Variants in C20orf173 observed in about 807,000 individuals in gnomAD.
C20orf173 encodes chromosome 20 open reading frame 173.
In C20orf173, 22 loss-of-function variants were observed where a neutral mutation model predicts 26.7. That is an observed-to-expected ratio of 0.82 (90% CI 0.59 to 1.18). C20orf173 has a LOEUF of 1.18. Ranked by LOEUF, C20orf173 falls within the 50% of genes most tolerant of loss-of-function variation. The pLI, the probability that C20orf173 is intolerant of heterozygous loss-of-function variation, is 0.00. For missense variants in C20orf173, 210 were observed against 250.3 expected (o/e 0.84, Z 1.09); for synonymous variants, 85 against 96.4 (o/e 0.88, Z 0.69).
At chr20:35,528,585 G>T in intron 3 of C20orf173, 41 bp from the exon 4 acceptor site, 1 of 1,549,016 alleles carries the variant, frequency 6.5e-7, no homozygotes, top group Non-Finnish European at 8.7e-7. Context: ...GGTTCCCCAC[G>T]TCCATCTCAA....
chr20:35,521,381 T>C (rs191269279), downstream of C20orf173, among the ~76,000 whole-genome samples: 6 of 152,098 alleles, frequency 3.9e-5, no homozygotes, highest in East Asian at 7.7e-4. Context: ...CTTCATTATA[T>C]ATTGAGAGAA....
chr20:35,524,522 C>T (rs1434967164), downstream of C20orf173, among the ~76,000 whole-genome samples: 2 of 152,124 alleles, frequency 1.3e-5, no homozygotes, highest in Non-Finnish European at 2.9e-5. Context: ...ATTCCTTCCT[C>T]ACTTGCATTT....
downstream of C20orf173, among the ~76,000 whole-genome samples, chr20:35,526,794 G>T (rs141108280): frequency 1.2e-3 from 187 of 152,134 alleles, no homozygotes; most frequent in African/African-American, 4.4e-3. Flanking sequence ...TTCTTTTATC[G>T]AAGTGGGTAA....
downstream of C20orf173, among the ~76,000 whole-genome samples, chr20:35,523,774 G>T (rs116212268): frequency 4.1e-3 from 624 of 152,266 alleles, 4 homozygotes; most frequent in African/African-American, 0.014. Flanking sequence ...CAGAGGGAGA[G>T]GTTGTATCCA....
intron 5 of C20orf173, among the ~76,000 whole-genome samples, chr20:35,527,523 G>A (rs957868263): frequency 2.0e-5 from 3 of 152,218 alleles, no homozygotes; most frequent in Non-Finnish European, 2.9e-5. Flanking sequence ...GGAATGGTGC[G>A]AGAGAAGGCA....
chr20:35,526,628 C>CAA (rs1286748298), downstream of C20orf173, among the ~76,000 whole-genome samples: 1,059 of 52,344 alleles, frequency 0.02, 22 homozygotes, highest in African/African-American at 0.054. Context: ...ACTCTTGTCT[C>CAA]AAAAAAAAAA....
chr20:35,521,330 G>A (rs181362874), downstream of C20orf173, among the ~76,000 whole-genome samples: 35 of 152,220 alleles, frequency 2.3e-4, no homozygotes, highest in Admixed American at 5.9e-4. Flanking sequence ...AATACTCATA[G>A]TGACCCCAGA....
rs1414877076 is a variant in C20orf173 at position 35,529,085 on chromosome 20, C to T, written c.289G>A (p.Asp97Asn). 6.4e-7 allele frequency: 1 copy of T among 1,551,308 alleles called. No individual in the cohort carries two copies. The highest frequency in any genetic ancestry group is 1.2e-5 in the South Asian group (1 of 84,048). ...LMRTRESMTS[D>N]TVLWWLGMNS... is the part of the protein sequence containing the mutation. ...CTGACCAACCACCAGAGCACAGTGTCAGAGGTCATAGACTCTCTTGTCCTC... is the reference window on the plus strand; with the variant it reads ...CTGACCAACCACCAGAGCACAGTGTTAGAGGTCATAGACTCTCTTGTCCTC... The change falls in exon 2 of 6, where the codon GAC (aspartate) becomes AAC (asparagine). Residue 97 changes from aspartate to asparagine, a missense_variant. Coordinates refer to ENST00000444723, the MANE Select transcript of C20orf173 (RefSeq NM_001145350.2).
At chr20:35,529,013 T>TG in intron 2 of C20orf173, 52 bp downstream of exon 2, 1 of 1,536,068 alleles carries the variant, frequency 6.5e-7, no homozygotes. Context: ...GGGAGATGGG[T>TG]GAGGCCCGGA....
chr20:35,525,736 A>AAGCAGCATTGCACAGC (rs1486310980), downstream of C20orf173, among the ~76,000 whole-genome samples: 3 of 152,218 alleles, frequency 2.0e-5, no homozygotes, highest in Admixed American at 6.5e-5. Flanking sequence ...AACTGTATTG[A>AAGCAGCATTGCACAGC]AGCAGCATTG....
rs749213432 is a variant in C20orf173, at chr20:35,529,107, C to T, written c.267G>A (p.Arg89=). The T allele has an allele frequency of 1.4e-5, 21 of 1,551,700 alleles. No homozygotes were observed. In the South Asian group the frequency reaches 2.4e-4, roughly 18 times the overall value. Reference sequence around the variant, plus strand: ...TGTCAGAGGTCATAGACTCTCTTGTCCTCATCAGGTACCCCATAGTCTTCC... The same window carrying T: ...TGTCAGAGGTCATAGACTCTCTTGTTCTCATCAGGTACCCCATAGTCTTCC... ...CSRKTMGYLM[R]TRESMTSDTV... is the part of the protein sequence containing the mutation. Residue 89 remains arginine (R), a synonymous_variant, in exon 2 of 6, where the codon AGG becomes AGA. Transcript: ENST00000444723.
downstream of C20orf173, among the ~76,000 whole-genome samples, chr20:35,523,771 A>T (rs1012597447): frequency 6.6e-6 from 1 of 152,060 alleles, no homozygotes; most frequent in Non-Finnish European, 1.5e-5. Flanking sequence ...GCACAGAGGG[A>T]GAGGTTGTAT....
chr20:35,524,317 G>A (rs1045863924), downstream of C20orf173, among the ~76,000 whole-genome samples: 5 of 151,922 alleles, frequency 3.3e-5, no homozygotes, highest in Non-Finnish European at 7.4e-5. Flanking sequence ...CACTGCGCCC[G>A]GCCAATCCAG....
chr20:35,528,676 C>T lies in C20orf173; in HGVS notation c.488+25G>A, dbSNP rs1386788478. 7 of 1,527,600 alleles carry T rather than the reference C, an allele frequency of 4.6e-6. No homozygotes were observed. The South Asian group carries it at 5.0e-5, about 11-fold the overall frequency. The allele number at this position is 1,527,600 out of a possible 1,614,324, so 94.6% of individuals were successfully genotyped here. On this transcript the variant is annotated intron_variant, in intron 3 of 5. Transcript: ENST00000444723. ...CTGTGGGGCAGGCCTGGCCTTCCTG[C>T]TCCCGCCCTCTCCCCAGCACCCACC...
At chr20:35,523,831 C>A (rs1361322736), downstream of C20orf173, among the ~76,000 whole-genome samples, 3 of 152,122 alleles carry the variant, frequency 2.0e-5, no homozygotes, top group African/African-American at 7.2e-5. Context: ...AGAAGGGCCA[C>A]CTTGGCGATG....
downstream of C20orf173, chr20:35,526,963 C>T (rs1387652084): frequency 6.6e-6 from 1 of 152,242 alleles, no homozygotes; most frequent in Non-Finnish European, 1.5e-5. Context: ...CTCCCAGACA[C>T]TGTGGTTACA....
At chr20:35,525,426 C>T (rs1335425193), downstream of C20orf173, among the ~76,000 whole-genome samples, 2 of 152,070 alleles carry the variant, frequency 1.3e-5, no homozygotes, top group African/African-American at 4.8e-5. Context: ...GTGGCGGGCA[C>T]CTGTAATCCC....
At chr20:35,520,780 A>G (rs1317823920), downstream of C20orf173, 2 of 152,208 alleles carry the variant, frequency 1.3e-5, no homozygotes, top group African/African-American at 4.8e-5. Flanking sequence ...ATACAACATA[A>G]GAGAGTCACA....
In C20orf173 at chr20:35,529,266, T is replaced by G; in HGVS notation, c.108A>C (p.Arg36=). The change falls in exon 2 of 6, where the codon CGA becomes CGC. Residue 36 remains arginine (R), a synonymous_variant. Transcript: ENST00000444723. ...CGCAATGCTGTGGTACCAAGTACATTCGTTTTTCCTGGGGTGCTGATTCAG... is the reference window on the plus strand; with the variant it reads ...CGCAATGCTGTGGTACCAAGTACATGCGTTTTTCCTGGGGTGCTGATTCAG... ...LTPESAPQEK[R]MYLVPQHCDC... is the part of the protein sequence containing the mutation. 3.2e-6 allele frequency: 5 copies of G among 1,551,598 alleles called. No individual in the cohort carries two copies. The highest frequency in any genetic ancestry group is 4.4e-6 in the Non-Finnish European group (5 of 1,146,980).
Sources: gnomAD v4.1 joint callset for allele counts (sites outside exome capture counted in the v4.1 genomes callset) on GRCh38, gnomAD v4.1.1 for gene constraint, MANE v1.5 for transcripts, NCBI Gene and HGNC (gene_info 2026-07-23, HGNC 2026-07-21) for gene names.